The following DCAF16 variants were observed in gnomAD, a reference collection of about 807,000 sequenced individuals.
The protein encoded by DCAF16 is DDB1 and CUL4 associated factor 16, also known as DDB1- and CUL4-associated factor 16.
A neutral mutation model predicts 17.3 loss-of-function variants in DCAF16; 10 were observed. That is an observed-to-expected ratio of 0.58 (90% confidence interval 0.36 to 0.98). DCAF16 has a LOEUF of 0.98. DCAF16 is among the 50% of genes least tolerant of loss of function. The pLI is 0.01. For missense variants in DCAF16, 249 were observed against 247.6 expected, an observed-to-expected ratio of 1.01 and a Z score of -0.04; for synonymous variants, 111 against 92.8, an observed-to-expected ratio of 1.20 and a Z score of -1.12.
downstream of DCAF16, among the ~76,000 whole-genome samples, chr4:17,798,310 CTTTT>C (rs61478198): frequency 1.2e-4 from 16 of 131,272 alleles, no homozygotes; most frequent in African/African-American, 3.2e-4. Context: ...TGTTATTTTC[CTTTT>C]TTTTTTTTTT....
At chr4:17,809,046 AT>A (rs911606840) in intron 1 of DCAF16, among the ~76,000 whole-genome samples, 15 of 152,202 alleles carry the variant, frequency 9.9e-5, no homozygotes, top group African/African-American at 2.7e-4. Context: ...AAATAAAAAA[AT>A]ATATATTAGA....
At chr4:17,794,813 ACTTT>A in the DCAF16 span, among the ~76,000 whole-genome samples, 100 of 152,270 alleles carry the variant, frequency 6.6e-4, 2 homozygotes, top group Admixed American at 1.3e-3. Context: ...TAAATAACAT[ACTTT>A]CTAAGAAATA....
chr4:17,803,911 A>C lies in DCAF16; in HGVS notation c.231T>G (p.His77Gln), dbSNP rs1001118601. 4.3e-6 allele frequency: 7 copies of C among 1,614,162 alleles called. No homozygotes were observed. The highest frequency in any genetic ancestry group is 5.9e-6 in the Non-Finnish European group (7 of 1,180,020). Residue 77 changes from histidine (H) to glutamine (Q), a missense_variant, in exon 3 of 3, where the codon CAT becomes CAG. By Grantham distance (24) the His-to-Gln change is conservative. Transcript: ENST00000382247. ...GTGTGCTTGGATCCAACAGTTTAGC[A>C]TGATACAACCAGGAATTAGGATTTA... ...KPLNPNSWLY[H>Q]AKLLDPSTPV...
In DCAF16 at chr4:17,804,247, A is replaced by T. The variant is rs1010335656; in HGVS notation, c.-106T>A. 1 of 977,748 alleles carries T rather than the reference A, an allele frequency of 1.0e-6. No homozygotes were observed. Among genetic ancestry groups the T allele is most frequent in the African/African-American group, 1.7e-5 (1 of 60,492 alleles). 60.6% of individuals were successfully genotyped at this position (977,748 alleles called of 1,614,324 possible). A position where few individuals can be genotyped will look rare whatever the true frequency, so the allele number is the denominator to read the frequency against. On this transcript the variant is annotated 5_prime_UTR_variant, in exon 3 of 3. The change creates a new upstream start codon in the 5' untranslated region. Coordinates refer to ENST00000382247, the MANE Select transcript of DCAF16 (RefSeq NM_017741.4). ...TAAGAGATGAAAAATCCTTTCACCA[A>T]GATTAATTTGTCTTTCAGTCCGTTA...
At chr4:17,798,331 T>TA (rs1491484021), downstream of DCAF16, among the ~76,000 whole-genome samples, 85 of 139,372 alleles carry the variant, frequency 6.1e-4, no homozygotes, top group Non-Finnish European at 1.1e-3. Flanking sequence ...TTTTTTTTTT[T>TA]ATACCAGGTA....
chr4:17,798,167 C>A (rs1333969423), downstream of DCAF16, among the ~76,000 whole-genome samples: 1 of 152,096 alleles, frequency 6.6e-6, no homozygotes, highest in Non-Finnish European at 1.5e-5. Flanking sequence ...TATCACGTGT[C>A]AGAATCTTCC....
In DCAF16 at chr4:17,803,591, T is replaced by G; in HGVS notation, c.551A>C (p.Lys184Thr). 6.2e-7 allele frequency: 1 copy of G among 1,614,214 alleles called. No homozygotes were observed. The highest frequency in any genetic ancestry group is 8.5e-7 in the Non-Finnish European group (1 of 1,180,032). ...VSGCCCGWLTKTVKETTRTEP... is the reference protein window; with the variant it reads ...VSGCCCGWLTTTVKETTRTEP... The stretch of plus-strand genomic sequence containing the variant: ...AGTACGAGTTGTTTCCTTAACTGTT[T>G]TAGTCAGCCAGCCACAGCAACACCC... Residue 184 changes from lysine to threonine, a missense_variant, in exon 3 of 3, where the codon AAA (lysine) becomes ACA (threonine). By Grantham distance (78) the Lys-to-Thr change is moderately conservative. Coordinates refer to ENST00000382247, the MANE Select transcript of DCAF16 (RefSeq NM_017741.4).
chr4:17,796,540 C>T (rs1178077086), downstream of DCAF16, among the ~76,000 whole-genome samples: 1 of 152,098 alleles, frequency 6.6e-6, no homozygotes, highest in Non-Finnish European at 1.5e-5. Flanking sequence ...GAAACCATCT[C>T]TACTAAAATA....
intron 1 of DCAF16, among the ~76,000 whole-genome samples, chr4:17,805,576 G>A (rs949952392): frequency 1.3e-5 from 2 of 152,134 alleles, no homozygotes; most frequent in Non-Finnish European, 2.9e-5. Flanking sequence ...AAACTAGAAA[G>A]AGAATGTAAC....
chr4:17,804,054 CAG>C lies in DCAF16; in HGVS notation c.86_87del (p.Ser29TrpfsTer8). 1 of 1,614,158 alleles carries C rather than the reference CAG, an allele frequency of 6.2e-7. No homozygotes were observed. The highest frequency in any genetic ancestry group is 8.5e-7 in the Non-Finnish European group (1 of 1,180,012). On this transcript the variant is annotated frameshift_variant, in exon 3 of 3. Transcript: ENST00000382247. LOFTEE classifies it high-confidence loss of function. ...EENISYLNES[S>X]GEEWDSSEEE... ...TCTTCAGAGGAATCCCACTCTTCCC[CAG>C]AACTCTCATTTAGGTAACTAATATT...
At chr4:17,796,114 G>A (rs891081545), downstream of DCAF16, among the ~76,000 whole-genome samples, 1 of 152,114 alleles carries the variant, frequency 6.6e-6, no homozygotes, top group Non-Finnish European at 1.5e-5. Flanking sequence ...AGACAATAAG[G>A]CTTCAGTCAT....
rs757220719 is a variant in DCAF16 at position 17,803,931 on chromosome 4, G to C, written c.211C>G (p.Pro71Ala). ...KYSTTWKPLNPNSWLYHAKLL... is the reference protein window; with the variant it reads ...KYSTTWKPLNANSWLYHAKLL... ...TTAGCATGATACAACCAGGAATTAG[G>C]ATTTAAAGGTTTCCAAGTTGTGGAA... is the stretch of plus-strand genomic sequence containing the variant. Residue 71 changes from proline to alanine, a missense_variant, in exon 3 of 3, where the codon CCT becomes GCT. By Grantham distance (27) the Pro-to-Ala change is conservative. Transcript: ENST00000382247. 3 of 1,614,098 alleles carry C rather than the reference G, an allele frequency of 1.9e-6. No homozygotes were observed. The Admixed American group carries it at 5.0e-5, about 27-fold the overall frequency.
At position 17,802,136 on chromosome 4, in the gene DCAF16, C is replaced by T. The variant is rs1322592884; in HGVS notation, c.*1355G>A. The T allele has an allele frequency of 6.6e-6, 1 of 152,062 alleles. No homozygotes were observed. Among genetic ancestry groups the T allele is most frequent in the Non-Finnish European group, 1.5e-5 (1 of 67,988 alleles). The allele number at this position is 152,062 out of a possible 1,614,324, so 9.4% of individuals were successfully genotyped here. A position where few individuals can be genotyped will look rare whatever the true frequency, so the allele number is the denominator to read the frequency against. On this transcript the variant is annotated 3_prime_UTR_variant, in exon 3 of 3. Transcript: ENST00000382247. ...AAAAAAAAAAAAATTAGAAGGGTTC[C>T]TGAAAAGTTTGCAATGGATGTGGAA...
downstream of DCAF16, among the ~76,000 whole-genome samples, chr4:17,799,422 T>G (rs993206051): frequency 2.5e-4 from 38 of 152,372 alleles, no homozygotes; most frequent in African/African-American, 8.2e-4. Flanking sequence ...TTATTTAGTT[T>G]TGCATTCCCA....
chr4:17,794,018 C>T, the DCAF16 span, among the ~76,000 whole-genome samples: 1 of 152,080 alleles, frequency 6.6e-6, no homozygotes, highest in Non-Finnish European at 1.5e-5. Flanking sequence ...AACCCTGAAT[C>T]ATGACTCATA....
the DCAF16 span, among the ~76,000 whole-genome samples, chr4:17,795,173 C>T: frequency 9.9e-5 from 15 of 152,192 alleles, no homozygotes; most frequent in African/African-American, 3.4e-4. Flanking sequence ...GAAATCATTT[C>T]TTTTTAAATT....
chr4:17,810,577 C>G lies in DCAF16; in HGVS notation c.-880G>C, dbSNP rs926962810. On this transcript the variant is annotated 5_prime_UTR_variant, in exon 1 of 3. Coordinates refer to ENST00000382247, the MANE Select transcript of DCAF16 (RefSeq NM_017741.4). ...GCGGAGCCCTCGTGTGGGGATCCCCCGCCCTTCGGCCACAAGGGAGGTTGT... is the reference window on the plus strand; with the variant it reads ...GCGGAGCCCTCGTGTGGGGATCCCCGGCCCTTCGGCCACAAGGGAGGTTGT... 1 of 152,448 alleles carries G rather than the reference C, an allele frequency of 6.6e-6. No individual in the cohort carries two copies. The highest frequency in any genetic ancestry group is 1.9e-4 in the East Asian group (1 of 5,196). 9.4% of individuals were successfully genotyped at this position (152,448 alleles called of 1,614,324 possible).
At chr4:17,797,808 C>T (rs529081880), downstream of DCAF16, among the ~76,000 whole-genome samples, 1 of 152,140 alleles carries the variant, frequency 6.6e-6, no homozygotes, top group Non-Finnish European at 1.5e-5. Context: ...CCTACTGGTC[C>T]ATTGCTTAAT....
chr4:17,802,800 G>C lies in DCAF16; in HGVS notation c.*691C>G, dbSNP rs1160306947. 6.6e-6 allele frequency: 1 copy of C among 152,194 alleles called. No homozygotes were observed. Among genetic ancestry groups the C allele is most frequent in the Non-Finnish European group, 1.5e-5 (1 of 68,056 alleles). 9.4% of individuals were successfully genotyped at this position (152,194 alleles called of 1,614,324 possible). A position where few individuals can be genotyped will look rare whatever the true frequency, so the allele number is the denominator to read the frequency against. On this transcript the variant is annotated 3_prime_UTR_variant, in exon 3 of 3. Coordinates refer to ENST00000382247, the MANE Select transcript of DCAF16 (RefSeq NM_017741.4). ...TTCCACAGAAATGTATGTTAGAGAA[G>C]AGTATGCTCAGAAAGGTATTATTGT...
Sources: allele counts gnomAD v4.1 joint callset (sites outside exome capture counted in the v4.1 genomes callset), GRCh38; gene constraint gnomAD v4.1.1; transcripts MANE v1.5; gene names NCBI Gene and HGNC (gene_info 2026-07-23, HGNC 2026-07-21).